Variants in COL23A1 observed in about 807,000 individuals in gnomAD.
COL23A1 encodes collagen type XXIII alpha 1 chain.
COL23A1 carries 97 observed loss-of-function variants against 99.3 expected under a neutral mutation model. The observed-to-expected ratio is 0.98, with a 90% CI of 0.83 to 1.16. The LOEUF is 1.16. Ranked by LOEUF, COL23A1 falls within the 50% of genes most tolerant of loss-of-function variation. The pLI, the probability that COL23A1 is intolerant of heterozygous loss-of-function variation, is 0.00. For missense variants in COL23A1, 762 were observed against 757.4 expected, an observed-to-expected ratio of 1.01 and a Z score of -0.07; for synonymous variants, 320 against 308.2, an observed-to-expected ratio of 1.04 and a Z score of -0.40.
chr5:178,340,943 G>A lies in COL23A1; in HGVS notation c.362-34024C>T, dbSNP rs560076812. 5.4e-4 allele frequency among the ~76,000 whole-genome samples: 82 copies of A among 152,356 alleles called. 1 individual carries two copies. The highest frequency in any genetic ancestry group is 3.4e-3 in the Middle Eastern group (1 of 294). On this transcript the variant is annotated intron_variant, in intron 2 of 28. Coordinates refer to ENST00000390654, the MANE Select transcript of COL23A1 (RefSeq NM_173465.4). This position sits in a 1 kb window ranked among gnomAD's most constrained non-coding sequence, Gnocchi z 4.7. ...TGGCTGTCCTGCCAGGCAGAGATCA[G>A]CTGGTTTAGACCTCATACTGACCAT... is the stretch of plus-strand genomic sequence containing the variant.
chr5:178,457,710 T>G (rs927193927), intron 2 of COL23A1, among the ~76,000 whole-genome samples: 1 of 152,210 alleles, frequency 6.6e-6, no homozygotes, highest in African/African-American at 2.4e-5. Context: ...TTGGAGGCAG[T>G]GCTGTGATTA....
chr5:178,524,279 GC>G (rs938841714), intron 2 of COL23A1, among the ~76,000 whole-genome samples: 1 of 152,110 alleles, frequency 6.6e-6, no homozygotes, highest in Non-Finnish European at 1.5e-5. Flanking sequence ...TCACACTGTG[GC>G]CCCCCGCAGC....
In COL23A1 at chr5:178,560,756, G is replaced by GA; in HGVS notation, c.295-9_295-8insT. On this transcript the variant is annotated splice_polypyrimidine_tract_variant and intron_variant, in intron 1 of 28. Coordinates refer to ENST00000390654, the MANE Select transcript of COL23A1 (RefSeq NM_173465.4). ...CGCTAGTCCGTCCAACTTCTGAGCC[G>GA]GAAAAAAAAAAAGAAAAAAAACGAG... The GA allele has an allele frequency of 1.3e-6, 2 of 1,593,620 alleles. No homozygotes were observed. The highest frequency in any genetic ancestry group is 1.8e-5 in the Admixed American group (1 of 55,938).
chr5:178,323,553 C>A (rs1275357928), intron 2 of COL23A1, among the ~76,000 whole-genome samples: 4 of 152,048 alleles, frequency 2.6e-5, no homozygotes, highest in Admixed American at 2.0e-4. Context: ...TGGGGAGAGG[C>A]TAAGGGGGAT....
chr5:178,413,368 G>A (rs1765145553), intron 2 of COL23A1, among the ~76,000 whole-genome samples: 2 of 152,182 alleles, frequency 1.3e-5, no homozygotes, highest in African/African-American at 4.8e-5. Context: ...AAAATAACTT[G>A]CTACATGAAA....
chr5:178,589,877 G>A lies in COL23A1; in HGVS notation c.294+27C>T. On this transcript the variant is annotated intron_variant, in intron 1 of 28. Transcript: ENST00000390654. This position sits in a 1 kb window ranked among gnomAD's most constrained non-coding sequence, Gnocchi z 5.4. ...CCCTCAACCCGACACACCCAAGTCCGCCCCAGCCACGCGCCAAGACGCTCA... is the reference window on the plus strand; with the variant it reads ...CCCTCAACCCGACACACCCAAGTCCACCCCAGCCACGCGCCAAGACGCTCA... 2.3e-6 allele frequency: 3 copies of A among 1,290,616 alleles called. No homozygotes were observed. Among genetic ancestry groups the A allele is most frequent in the Non-Finnish European group, 2.9e-6 (3 of 1,022,690 alleles). The allele number at this position is 1,290,616 out of a possible 1,614,324, so 79.9% of individuals were successfully genotyped here. A position where few individuals can be genotyped will look rare whatever the true frequency, so the allele number is the denominator to read the frequency against.
At chr5:178,465,473 G>C (rs895376466) in intron 2 of COL23A1, among the ~76,000 whole-genome samples, 3 of 152,220 alleles carry the variant, frequency 2.0e-5, no homozygotes, top group Non-Finnish European at 4.4e-5. Flanking sequence ...TCTTCACACA[G>C]AGGCAGATAA....
chr5:178,339,290 A>G (rs1760521901), intron 2 of COL23A1, among the ~76,000 whole-genome samples: 1 of 152,166 alleles, frequency 6.6e-6, no homozygotes, highest in South Asian at 2.1e-4. Context: ...AGTTTCCAGA[A>G]TTATCTCTAC....
intron 2 of COL23A1, among the ~76,000 whole-genome samples, chr5:178,432,776 T>TG (rs1269842393): frequency 6.6e-6 from 1 of 152,116 alleles, no homozygotes; most frequent in South Asian, 2.1e-4. Flanking sequence ...GCTGAGTGCC[T>TG]GCCTGGGACA....
intron 1 of COL23A1, among the ~76,000 whole-genome samples, chr5:178,584,842 G>A (rs1763841453): frequency 6.6e-6 from 1 of 152,208 alleles, no homozygotes; most frequent in African/African-American, 2.4e-5. Flanking sequence ...GGGCTGGGGA[G>A]TGGCTGGTCA....
intron 2 of COL23A1, among the ~76,000 whole-genome samples, chr5:178,535,119 C>T (rs567141127): frequency 1.6e-4 from 24 of 151,872 alleles, no homozygotes; most frequent in African/African-American, 5.8e-4. Flanking sequence ...ATTACAGGCG[C>T]CTGCTACCAC....
rs1422015662 is a variant in COL23A1, at chr5:178,307,208, C to T, written c.362-289G>A. 3.3e-5 allele frequency among the ~76,000 whole-genome samples: 5 copies of T among 152,222 alleles called. No individual in the cohort carries two copies. The highest frequency in any genetic ancestry group is 5.9e-5 in the Non-Finnish European group (4 of 68,044). On this transcript the variant is annotated intron_variant, in intron 2 of 28. Transcript: ENST00000390654. This position sits in a 1 kb window ranked among gnomAD's most constrained non-coding sequence, Gnocchi z 4.2. ...GCTCACTCAGTCATTCCTAAGCCCTCCCCTAATCACAAAGATTCCCATGGG... is the reference window on the plus strand; with the variant it reads ...GCTCACTCAGTCATTCCTAAGCCCTTCCCTAATCACAAAGATTCCCATGGG...
At chr5:178,405,385 T>C (rs1018451956) in intron 2 of COL23A1, among the ~76,000 whole-genome samples, 1 of 152,276 alleles carries the variant, frequency 6.6e-6, no homozygotes, top group East Asian at 1.9e-4. Flanking sequence ...ATTTTTGTAT[T>C]TTCTTTCTGA....
intron 16 of COL23A1, among the ~76,000 whole-genome samples, chr5:178,253,828 C>T (rs149792027): frequency 3.3e-4 from 50 of 152,208 alleles, no homozygotes; most frequent in African/African-American, 1.1e-3. Context: ...TATGGCTGCC[C>T]GCTGCCCATC....
At chr5:178,578,133 A>G (rs887531545) in intron 1 of COL23A1, among the ~76,000 whole-genome samples, 4 of 116,872 alleles carry the variant, frequency 3.4e-5, no homozygotes, top group Non-Finnish European at 6.7e-5. Context: ...ACACACACAC[A>G]TGCATGCACA....
intron 18 of COL23A1, 67 bp downstream of exon 18, chr5:178,249,994 C>CAA (rs1007641495): frequency 6.5e-7 from 1 of 1,549,054 alleles, no homozygotes; most frequent in African/African-American, 1.4e-5. Context: ...CGCACACACA[C>CAA]ACACACACAC....
chr5:178,590,164 C>T lies in COL23A1; in HGVS notation c.34G>A (p.Asp12Asn). The change falls in exon 1 of 29, where the codon GAC (aspartate) becomes AAC (asparagine). Residue 12 changes from aspartate to asparagine, a missense_variant. Physicochemically the swap from Asp to Asn is conservative, Grantham distance 23 (BLOSUM62 1). Transcript: ENST00000390654. The surrounding 1 kb of genome is among the most constrained non-coding windows in gnomAD (Gnocchi z 5.7). ...CCCGCCGCATTGCCCTTCCCCGCGT[C>T]GCCGCCGCCACCGGCGCGCTCGCCT... is the stretch of plus-strand genomic sequence containing the variant. ...GPGERAGGGG[D>N]AGKGNAAGGG... The T allele has an allele frequency of 8.2e-7, 1 of 1,223,132 alleles. No individual in the cohort carries two copies. The highest frequency in any genetic ancestry group is 1.0e-6 in the Non-Finnish European group (1 of 986,518). 75.8% of individuals were successfully genotyped at this position (1,223,132 alleles called of 1,614,324 possible). A position where few individuals can be genotyped will look rare whatever the true frequency, so the allele number is the denominator to read the frequency against.
intron 1 of COL23A1, among the ~76,000 whole-genome samples, chr5:178,571,855 G>A (rs1387160111): frequency 6.6e-6 from 1 of 152,156 alleles, no homozygotes; most frequent in Non-Finnish European, 1.5e-5. Flanking sequence ...GGATCACAAG[G>A]TCAGGAGATT....
intron 2 of COL23A1, among the ~76,000 whole-genome samples, chr5:178,504,672 C>T (rs543624489): frequency 3.3e-5 from 5 of 152,294 alleles, no homozygotes; most frequent in African/African-American, 9.6e-5. Context: ...AGCTGGTCCC[C>T]GCTGAGAGAA....
Sources: allele counts gnomAD v4.1 joint callset (sites outside exome capture counted in the v4.1 genomes callset), GRCh38; gene constraint gnomAD v4.1.1; non-coding constraint Gnocchi (gnomAD v3.1); transcripts MANE v1.5; gene names NCBI Gene and HGNC (gene_info 2026-07-23, HGNC 2026-07-21).